The following IKBKB variants were observed in gnomAD, a reference collection of about 807,000 sequenced individuals.
The protein encoded by IKBKB is inhibitor of nuclear factor kappa B kinase subunit beta.
IKBKB carries 42 observed loss-of-function variants against 113.6 expected under a neutral mutation model. That is an observed-to-expected ratio of 0.37 (90% CI 0.29 to 0.48). The LOEUF is 0.48. Among genes scored for constraint, IKBKB ranks in the 20% least tolerant of loss-of-function variants. IKBKB has a pLI of 0.99. For missense variants in IKBKB, 673 were observed against 939.7 expected (o/e 0.72, Z 3.71); for synonymous variants, 296 against 361.3 (o/e 0.82, Z 2.05).
intron 6 of IKBKB, among the ~76,000 whole-genome samples, chr8:42,305,819 G>C (rs1816407820): frequency 6.6e-6 from 1 of 152,240 alleles, no homozygotes; most frequent in African/African-American, 2.4e-5. Flanking sequence ...TATGTGTTCA[G>C]CTGGGGTGGT....
intron 2 of IKBKB, among the ~76,000 whole-genome samples, chr8:42,276,907 C>A (rs1381962460): frequency 7.0e-6 from 1 of 141,856 alleles, no homozygotes; most frequent in Non-Finnish European, 1.5e-5. Flanking sequence ...CGCTCTGTCG[C>A]CCAAGCTGGA....
chr8:42,300,922 A>G (rs1008595380), intron 5 of IKBKB, among the ~76,000 whole-genome samples: 1 of 152,158 alleles, frequency 6.6e-6, no homozygotes, highest in African/African-American at 2.4e-5. Context: ...TGGCACGATC[A>G]TGTTTCACCG....
chr8:42,303,014 C>T (rs1451864102), intron 5 of IKBKB, among the ~76,000 whole-genome samples: 1 of 150,698 alleles, frequency 6.6e-6, no homozygotes, highest in Non-Finnish European at 1.5e-5. Context: ...CAGATAGGAT[C>T]GCTGCCTGGG....
chr8:42,291,015 G>T (rs1274327223), intron 4 of IKBKB, among the ~76,000 whole-genome samples: 1 of 152,184 alleles, frequency 6.6e-6, no homozygotes, highest in Non-Finnish European at 1.5e-5. Flanking sequence ...GCACAGGTAT[G>T]GTTCCCACAT....
At chr8:42,294,041 G>A (rs1813204625) in intron 5 of IKBKB, among the ~76,000 whole-genome samples, 1 of 152,214 alleles carries the variant, frequency 6.6e-6, no homozygotes. Flanking sequence ...AGAGGTCAGT[G>A]GAGCCTCCTA....
intron 2 of IKBKB, among the ~76,000 whole-genome samples, chr8:42,277,029 A>G (rs28582155): frequency 0.26 from 38,137 of 147,954 alleles, 9,611 homozygotes; most frequent in African/African-American, 0.66. Flanking sequence ...ACCACCCCCG[A>G]CTAATTTTTT....
chr8:42,303,805 C>T (rs984167141), intron 5 of IKBKB, among the ~76,000 whole-genome samples: 1 of 152,174 alleles, frequency 6.6e-6, no homozygotes. Context: ...CCGCGCCCAG[C>T]CCCATTTTTC....
chr8:42,325,849 G>T (rs1820640021), intron 19 of IKBKB, 121 bp from the exon 20 acceptor site: 1 of 1,530,804 alleles, frequency 6.5e-7, no homozygotes, highest in Non-Finnish European at 8.7e-7. Context: ...CAACTGGTAG[G>T]CTGTAGGGTT....
chr8:42,275,346 C>T (rs1328159371), intron 2 of IKBKB, among the ~76,000 whole-genome samples: 1 of 151,392 alleles, frequency 6.6e-6, no homozygotes, highest in Non-Finnish European at 1.5e-5. Context: ...CGTTGCCATG[C>T]CCGGCTAATT....
intron 2 of IKBKB, among the ~76,000 whole-genome samples, chr8:42,284,164 C>T (rs1158626357): frequency 6.6e-6 from 1 of 152,104 alleles, no homozygotes; most frequent in Non-Finnish European, 1.5e-5. Flanking sequence ...CTATGAAGTC[C>T]AAGGTCAAGG....
intron 2 of IKBKB, 182 bp downstream of exon 2, chr8:42,272,387 C>T: frequency 1.4e-6 from 1 of 691,608 alleles, no homozygotes; most frequent in Non-Finnish European, 2.5e-6. Flanking sequence ...TAGTGGTCTC[C>T]ATGCTTTATT....
intron 2 of IKBKB, among the ~76,000 whole-genome samples, chr8:42,279,833 C>G (rs1164130596): frequency 6.6e-6 from 1 of 152,084 alleles, no homozygotes; most frequent in African/African-American, 2.4e-5. Context: ...AAGGGGAAAA[C>G]ACTTCTTTAT....
chr8:42,309,096 C>G, intron 8 of IKBKB, 71 bp downstream of exon 8: 1 of 1,497,078 alleles, frequency 6.7e-7, no homozygotes, highest in Non-Finnish European at 9.1e-7. Flanking sequence ...TACCCTGTTT[C>G]CCTGGCGCCC....
Position 42,314,409 on chromosome 8 carries a change from C to T in IKBKB, c.780C>T (p.Pro260=), listed in dbSNP as rs758569358. ...CGGTGAAGTTTTCAAGCTCTTTACCCTACCCCAATAATCTTAACAGGTAAG... is the reference window on the plus strand; with the variant it reads ...CGGTGAAGTTTTCAAGCTCTTTACCTTACCCCAATAATCTTAACAGGTAAG... ...NGTVKFSSSL[P]YPNNLNSVLA... Residue 260 remains proline (P), a synonymous_variant, in exon 9 of 22, where the codon CCC becomes CCT. Transcript: ENST00000520810. 6.2e-7 allele frequency: 1 copy of T among 1,606,314 alleles called. No homozygotes were observed. The highest frequency in any genetic ancestry group is 8.5e-7 in the Non-Finnish European group (1 of 1,172,846).
chr8:42,317,009 A>G, intron 11 of IKBKB, 105 bp downstream of exon 11: 1 of 1,096,086 alleles, frequency 9.1e-7, no homozygotes, highest in Non-Finnish European at 1.4e-6. Flanking sequence ...GTAGTCTGTT[A>G]ATCACACAGT....
chr8:42,305,400 G>A (rs1816313316), intron 6 of IKBKB, 125 bp downstream of exon 6: 1 of 649,838 alleles, frequency 1.5e-6, no homozygotes, highest in Non-Finnish European at 2.7e-6. Flanking sequence ...TTGATTCTCT[G>A]GGAATGCTGT....
intron 5 of IKBKB, among the ~76,000 whole-genome samples, chr8:42,301,135 G>T (rs1815129929): frequency 6.6e-6 from 1 of 152,230 alleles, no homozygotes; most frequent in Non-Finnish European, 1.5e-5. Flanking sequence ...GGGATTACAG[G>T]TGTGAGCCAC....
intron 19 of IKBKB, 37 bp downstream of exon 19, chr8:42,322,531 C>CA (rs1217808963): frequency 6.2e-7 from 1 of 1,609,228 alleles, no homozygotes; most frequent in African/African-American, 1.3e-5. Flanking sequence ...CTTGGCCTAG[C>CA]AGCCTCCTGT....
At position 42,316,652 on chromosome 8, in the gene IKBKB, T is replaced by C. The variant is rs965999582; in HGVS notation, c.931-58T>C. 2 of 1,504,410 alleles carry C rather than the reference T, an allele frequency of 1.3e-6. No individual in the cohort carries two copies. Among genetic ancestry groups the C allele is most frequent in the African/African-American group, 2.8e-5 (2 of 72,688 alleles). 93.2% of individuals were successfully genotyped at this position (1,504,410 alleles called of 1,614,324 possible). A position where few individuals can be genotyped will look rare whatever the true frequency, so the allele number is the denominator to read the frequency against. On this transcript the variant is annotated intron_variant, in intron 10 of 21. Coordinates refer to ENST00000520810, the MANE Select transcript of IKBKB (RefSeq NM_001556.3). The surrounding 1 kb of genome is among the most constrained non-coding windows in gnomAD (Gnocchi z 4.5). ...GTAGCAGAGAGAGGACCTAGGCAAA[T>C]AGATGGGCATTTCCTTGAAGAAATC...
Sources: allele counts gnomAD v4.1 joint callset (sites outside exome capture counted in the v4.1 genomes callset), GRCh38; gene constraint gnomAD v4.1.1; non-coding constraint Gnocchi (gnomAD v3.1); transcripts MANE v1.5; gene names NCBI Gene and HGNC (gene_info 2026-07-23, HGNC 2026-07-21).